Variants in PRDM5 observed in about 807,000 individuals in gnomAD.
PRDM5 encodes PR domain zinc finger protein 5.
PRDM5 carries 56 observed loss-of-function variants against 81.2 expected under a neutral mutation model. That is an observed-to-expected ratio of 0.69 (90% CI 0.56 to 0.86). PRDM5 has a LOEUF of 0.86. Among genes scored for constraint, PRDM5 ranks in the 40% least tolerant of loss-of-function variants. PRDM5 has a pLI of 0.00. For synonymous variants in PRDM5, 267 were observed against 256.4 expected (o/e 1.04, Z -0.39); for missense variants, 697 against 770.1 (o/e 0.91, Z 1.12).
At chr4:120,805,186 C>T (rs1752731642) in intron 8 of PRDM5, among the ~76,000 whole-genome samples, 1 of 152,092 alleles carries the variant, frequency 6.6e-6, no homozygotes, top group African/African-American at 2.4e-5. Flanking sequence ...CAATAACAGG[C>T]TCTGAAATTG....
intron 15 of PRDM5, among the ~76,000 whole-genome samples, chr4:120,708,225 C>T (rs1736478424): frequency 6.6e-6 from 1 of 151,978 alleles, no homozygotes; most frequent in South Asian, 2.1e-4. Context: ...TCACAATAGT[C>T]ATAAGGTAGA....
intron 2 of PRDM5, among the ~76,000 whole-genome samples, chr4:120,867,956 T>C (rs944783814): frequency 7.9e-5 from 12 of 152,224 alleles, no homozygotes; most frequent in African/African-American, 2.7e-4. Flanking sequence ...GGGAACAACA[T>C]TGGGCGCTGC....
At chr4:120,823,322 T>A (rs916137609) in intron 3 of PRDM5, among the ~76,000 whole-genome samples, 1 of 151,960 alleles carries the variant, frequency 6.6e-6, no homozygotes, top group Non-Finnish European at 1.5e-5. Flanking sequence ...TAAAAGAAAA[T>A]TTTCATATAC....
At position 120,749,861 on chromosome 4, in the gene PRDM5, C is replaced by T. The variant is rs143237689; in HGVS notation, c.1623+4692G>A. ...GATCCACAGGAGAGGTCTGCTGCTG[C>T]GGGAAGAGGGGCAGAAACCTCTTTC... On this transcript the variant is annotated intron_variant, in intron 14 of 15. Coordinates refer to ENST00000264808, the MANE Select transcript of PRDM5 (RefSeq NM_018699.4). 1.4e-4 allele frequency among the ~76,000 whole-genome samples: 21 copies of T among 152,266 alleles called. No individual in the cohort carries two copies. In the East Asian group the frequency reaches 1.9e-3, roughly 14 times the overall value.
chr4:120,717,502 A>T (rs1737964394), intron 14 of PRDM5, among the ~76,000 whole-genome samples: 1 of 152,224 alleles, frequency 6.6e-6, no homozygotes. Context: ...TTTTTTGATA[A>T]GATAAACTGA....
intron 14 of PRDM5, chr4:120,731,745 A>G (rs1416404284): frequency 6.6e-6 from 1 of 152,094 alleles, no homozygotes; most frequent in Non-Finnish European, 1.5e-5. Flanking sequence ...TGGAATGAGG[A>G]TGTGATGGCC....
At chr4:120,832,425 A>G (rs372062478) in intron 3 of PRDM5, among the ~76,000 whole-genome samples, 2 of 152,278 alleles carry the variant, frequency 1.3e-5, no homozygotes, top group East Asian at 3.9e-4. Flanking sequence ...ATTCAAGATG[A>G]GAGTTGGGTG....
At chr4:120,702,376 A>T (rs541591784) in intron 15 of PRDM5, among the ~76,000 whole-genome samples, 12 of 152,232 alleles carry the variant, frequency 7.9e-5, no homozygotes, top group African/African-American at 2.4e-4. Context: ...CTCTTTACCC[A>T]GCTTACTCCT....
chr4:120,805,203 T>C (rs1272513414), intron 8 of PRDM5, among the ~76,000 whole-genome samples: 1 of 152,166 alleles, frequency 6.6e-6, no homozygotes, highest in Non-Finnish European at 1.5e-5. Context: ...ATTGAGGCAA[T>C]AATTAATAGC....
intron 14 of PRDM5, among the ~76,000 whole-genome samples, chr4:120,743,375 C>T (rs1242918447): frequency 4.6e-5 from 7 of 151,390 alleles, no homozygotes; most frequent in African/African-American, 7.3e-5. Context: ...CATCAACTAA[C>T]GAGCAAAATA....
intron 8 of PRDM5, among the ~76,000 whole-genome samples, chr4:120,802,237 T>C (rs1752214425): frequency 6.6e-6 from 1 of 152,204 alleles, no homozygotes; most frequent in Non-Finnish European, 1.5e-5. Context: ...GCTAAAGCCA[T>C]GTTCAAAATT....
intron 1 of PRDM5, among the ~76,000 whole-genome samples, chr4:120,911,737 A>C (rs1484183233): frequency 1.3e-5 from 2 of 152,182 alleles, no homozygotes; most frequent in Non-Finnish European, 2.9e-5. Context: ...CAGCTTTTAA[A>C]TTCCAATAGA....
intron 3 of PRDM5, among the ~76,000 whole-genome samples, chr4:120,848,927 ATGT>A (rs551861383): frequency 9.9e-5 from 15 of 152,268 alleles, no homozygotes; most frequent in African/African-American, 3.1e-4. Context: ...TGTTATTTTT[ATGT>A]TATTATTGAA....
intron 15 of PRDM5, among the ~76,000 whole-genome samples, chr4:120,701,908 C>A (rs772924844): frequency 2.0e-5 from 3 of 152,150 alleles, no homozygotes; most frequent in Non-Finnish European, 2.9e-5. Flanking sequence ...CAATATACAT[C>A]TCTTCACTCT....
chr4:120,864,265 A>G (rs1760961252), intron 2 of PRDM5, among the ~76,000 whole-genome samples: 1 of 152,220 alleles, frequency 6.6e-6, no homozygotes, highest in South Asian at 2.1e-4. Context: ...ATTAATCTAC[A>G]TCTTAGGAGC....
rs767110605 is a variant in PRDM5, at chr4:120,818,473, G to C, written c.530C>G (p.Thr177Ser). Residue 177 changes from threonine to serine, a missense_variant, in exon 5 of 16, where the codon ACC becomes AGC. Around this residue, in one of 3 missense-constraint regions of PRDM5, gnomAD observed 577 missense variants for 606.7 expected, o/e 0.95. Transcript: ENST00000264808. ...ATGCTCAGCAAGAATATCCTCACTG[G>C]TAAAACTCGATTCACATTGAGGACA... ...YACPQCESSF[T>S]SEDILAEHLQ... 77 of 1,613,364 alleles carry C rather than the reference G, an allele frequency of 4.8e-5. No individual in the cohort carries two copies. The highest frequency in any genetic ancestry group is 6.7e-5 in the Admixed American group (4 of 59,974).
chr4:120,746,713 G>A (rs970454295), intron 14 of PRDM5, among the ~76,000 whole-genome samples: 6 of 147,986 alleles, frequency 4.1e-5, no homozygotes, highest in Middle Eastern at 3.5e-3. Context: ...TCAGAGAAAT[G>A]CAAATCAAAA....
chr4:120,829,388 C>T (rs1355439), intron 3 of PRDM5, among the ~76,000 whole-genome samples: 57,441 of 151,950 alleles, frequency 0.38, 11,046 homozygotes, highest in East Asian at 0.49. Flanking sequence ...CTTCCACATC[C>T]GGCATTATGT....
intron 1 of PRDM5, among the ~76,000 whole-genome samples, chr4:120,919,031 T>C (rs992560570): frequency 4.6e-5 from 7 of 152,206 alleles, no homozygotes; most frequent in Admixed American, 1.3e-4. Flanking sequence ...AAGAACTTTA[T>C]ACTGAACAGG....
Sources: gnomAD v4.1 joint callset for allele counts (sites outside exome capture counted in the v4.1 genomes callset) on GRCh38, gnomAD v4.1.1 for gene constraint, gnomAD v4.1.1 regional missense constraint, MANE v1.5 for transcripts, NCBI Gene and HGNC (gene_info 2026-07-23, HGNC 2026-07-21) for gene names.